FOXP1: variants seen among roughly 807,000 people sequenced by gnomAD.
The protein encoded by FOXP1 is forkhead box protein P1.
FOXP1 carries 15 observed loss-of-function variants against 98.2 expected under a neutral mutation model. The ratio of observed to expected loss-of-function variants is 0.15; its 90% CI spans 0.10 to 0.24. FOXP1 has a LOEUF of 0.24. Among genes scored for constraint, FOXP1 ranks in the 10% least tolerant of loss-of-function variants. The pLI, the probability that FOXP1 is intolerant of heterozygous loss-of-function variation, is 1.00. For missense variants in FOXP1, 633 were observed against 848.5 expected, an observed-to-expected ratio of 0.75 and a Z score of 3.15; for synonymous variants, 371 against 314.5, an observed-to-expected ratio of 1.18 and a Z score of -1.90.
intron 11 of FOXP1, among the ~76,000 whole-genome samples, chr3:71,034,166 C>CA (rs1302305349): frequency 3.3e-5 from 5 of 152,264 alleles, no homozygotes; most frequent in Admixed American, 2.0e-4. Context: ...AGGAAACTGG[C>CA]AACGGGGATT....
intron 6 of FOXP1, among the ~76,000 whole-genome samples, chr3:71,178,276 A>C (rs1477099829): frequency 6.6e-6 from 1 of 151,914 alleles, no homozygotes; most frequent in Non-Finnish European, 1.5e-5. Flanking sequence ...CTGGGATTAC[A>C]GGCACGTACC....
chr3:71,066,264 A>G (rs1197597782), intron 7 of FOXP1, among the ~76,000 whole-genome samples: 1 of 152,166 alleles, frequency 6.6e-6, no homozygotes, highest in African/African-American at 2.4e-5. Flanking sequence ...GTCAGCGGGG[A>G]GCAGACAATT....
intron 12 of FOXP1, among the ~76,000 whole-genome samples, chr3:71,003,423 A>AT (rs1170334167): frequency 0.021 from 3,123 of 145,606 alleles, 111 homozygotes; most frequent in African/African-American, 0.069. Context: ...AAGACTCCTT[A>AT]TTTTTTTTTT....
chr3:71,244,274 A>G (rs115659318), intron 5 of FOXP1, among the ~76,000 whole-genome samples: 3,598 of 152,200 alleles, frequency 0.024, 120 homozygotes, highest in African/African-American at 0.081. Context: ...TCCACTACAT[A>G]AAAGCTGCCA....
chr3:71,053,920 A>G, intron 7 of FOXP1, 147 bp from the exon 8 acceptor site: 3 of 833,784 alleles, frequency 3.6e-6, no homozygotes, highest in Non-Finnish European at 4.0e-6. Context: ...ATGCAGCAAC[A>G]GATCCTATTT....
At chr3:71,387,292 G>A (rs1293902294) in intron 3 of FOXP1, among the ~76,000 whole-genome samples, 1 of 152,172 alleles carries the variant, frequency 6.6e-6, no homozygotes. Flanking sequence ...ACACAATGGG[G>A]CATAGTGCAT....
intron 3 of FOXP1, among the ~76,000 whole-genome samples, chr3:71,404,117 TTTC>T (rs1328238019): frequency 1.4e-5 from 1 of 73,902 alleles, no homozygotes; most frequent in African/African-American, 3.9e-5. Flanking sequence ...TTCTTTTCTT[TTTC>T]TTTTTTTTTT....
chr3:71,215,658 C>T (rs908520938), intron 5 of FOXP1, among the ~76,000 whole-genome samples: 2 of 119,446 alleles, frequency 1.7e-5, no homozygotes, highest in African/African-American at 5.5e-5. Flanking sequence ...CTCAGTTCAA[C>T]TTAAAGAAAA....
chr3:71,050,894 CTG>C (rs2049796680), intron 9 of FOXP1, among the ~76,000 whole-genome samples: 1 of 152,200 alleles, frequency 6.6e-6, no homozygotes, highest in African/African-American at 2.4e-5. Flanking sequence ...AGCTTTCAGA[CTG>C]TGGTTTTTAA....
intron 14 of FOXP1, among the ~76,000 whole-genome samples, chr3:70,984,974 T>C (rs2039485450): frequency 6.6e-6 from 1 of 152,216 alleles, no homozygotes; most frequent in Non-Finnish European, 1.5e-5. Context: ...AAATGAGGAC[T>C]GGTTGGATGA....
intron 4 of FOXP1, among the ~76,000 whole-genome samples, chr3:71,348,529 G>A (rs1331162492): frequency 1.7e-4 from 21 of 125,612 alleles, no homozygotes; most frequent in African/African-American, 5.8e-4. Context: ...GTGCGTGTGT[G>A]TGTGTGTGTG....
chr3:71,086,619 G>A (rs948904743), intron 7 of FOXP1, among the ~76,000 whole-genome samples: 1 of 152,122 alleles, frequency 6.6e-6, no homozygotes, highest in Non-Finnish European at 1.5e-5. Context: ...CCCCAAGTCT[G>A]TCAATGAGAG....
chr3:71,468,931 T>C (rs2089054642), intron 3 of FOXP1, among the ~76,000 whole-genome samples: 1 of 152,144 alleles, frequency 6.6e-6, no homozygotes, highest in African/African-American at 2.4e-5. Flanking sequence ...ACAAAAGATA[T>C]CTCAGGAGTC....
chr3:71,079,117 G>A (rs1389647208), intron 7 of FOXP1, among the ~76,000 whole-genome samples: 1 of 152,200 alleles, frequency 6.6e-6, no homozygotes, highest in East Asian at 1.9e-4. Flanking sequence ...CACCCACTCT[G>A]TCTTGCCCCT....
chr3:71,227,038 C>T (rs1451422762), intron 5 of FOXP1, among the ~76,000 whole-genome samples: 1 of 152,064 alleles, frequency 6.6e-6, no homozygotes, highest in Non-Finnish European at 1.5e-5. Context: ...TGCCGGGCCT[C>T]CTGGACCACA....
At chr3:71,085,283 C>T (rs947909404) in intron 7 of FOXP1, among the ~76,000 whole-genome samples, 37 of 152,056 alleles carry the variant, frequency 2.4e-4, no homozygotes, top group African/African-American at 8.2e-4. Flanking sequence ...GCTGCGACTC[C>T]AGGTGCATAA....
chr3:71,284,509 G>A (rs2071904244), intron 5 of FOXP1, among the ~76,000 whole-genome samples: 1 of 152,110 alleles, frequency 6.6e-6, no homozygotes, highest in Non-Finnish European at 1.5e-5. Context: ...GCTGTAGTGA[G>A]CTATAATCAT....
At chr3:71,317,027 A>G (rs1300713417) in intron 4 of FOXP1, among the ~76,000 whole-genome samples, 1 of 152,106 alleles carries the variant, frequency 6.6e-6, no homozygotes, top group African/African-American at 2.4e-5. Flanking sequence ...ACAACTCTCA[A>G]AGTAAAATCC....
At chr3:71,412,021 C>T (rs554670916) in intron 3 of FOXP1, among the ~76,000 whole-genome samples, 1 of 152,304 alleles carries the variant, frequency 6.6e-6, no homozygotes, top group African/African-American at 2.4e-5. Context: ...CTATTAAAAG[C>T]GCAAGTGCTT....
Sources: allele counts gnomAD v4.1 joint callset (sites outside exome capture counted in the v4.1 genomes callset), GRCh38; gene constraint gnomAD v4.1.1; transcripts MANE v1.5; gene names NCBI Gene and HGNC (gene_info 2026-07-23, HGNC 2026-07-21).